Variants in CLASP1 observed in about 807,000 individuals in gnomAD.
The protein encoded by CLASP1 is cytoplasmic linker associated protein 1, also known as CLIP-associating protein 1.
A neutral mutation model predicts 192.3 loss-of-function variants in CLASP1; 38 were observed. The observed-to-expected ratio is 0.20, with a 90% CI of 0.15 to 0.26. The LOEUF is 0.26. Ranked by LOEUF, CLASP1 falls within the 10% of genes least tolerant of loss-of-function variation. The probability of loss-of-function intolerance (pLI) is 1.00; values close to 1 mark genes in which losing one functional copy is unlikely to be tolerated. For synonymous variants in CLASP1, 691 were observed against 712.8 expected, an observed-to-expected ratio of 0.97 and a Z score of 0.49; for missense variants, 1,433 against 1,932.5, an observed-to-expected ratio of 0.74 and a Z score of 4.85.
At chr2:121,503,021 T>C (rs927967078) in intron 8 of CLASP1, 146 bp downstream of exon 8, 1 of 602,044 alleles carries the variant, frequency 1.7e-6, no homozygotes, top group East Asian at 2.8e-5. Context: ...GCATTGTTTC[T>C]GGCCTGGAAA....
intron 2 of CLASP1, among the ~76,000 whole-genome samples, chr2:121,557,795 T>C (rs1430243411): frequency 2.0e-5 from 3 of 151,700 alleles, no homozygotes; most frequent in African/African-American, 4.8e-5. Flanking sequence ...ATACCTATTA[T>C]GTGTAGGCTG....
intron 39 of CLASP1, among the ~76,000 whole-genome samples, chr2:121,342,240 G>A (rs2062869733): frequency 1.3e-5 from 2 of 151,888 alleles, no homozygotes; most frequent in Non-Finnish European, 2.9e-5. Flanking sequence ...TCCCACCTTA[G>A]CTTCCTGACT....
intron 37 of CLASP1, among the ~76,000 whole-genome samples, chr2:121,350,303 A>G (rs2064125719): frequency 1.3e-5 from 2 of 152,246 alleles, no homozygotes; most frequent in African/African-American, 4.8e-5. Flanking sequence ...GAAACAGCAT[A>G]TGGATCATCT....
At chr2:121,608,932 G>A (rs1026327468) in intron 1 of CLASP1, among the ~76,000 whole-genome samples, 1 of 152,100 alleles carries the variant, frequency 6.6e-6, no homozygotes, top group Admixed American at 6.6e-5. Flanking sequence ...CTGTGCTTAC[G>A]TAATACTGAT....
intron 6 of CLASP1, among the ~76,000 whole-genome samples, chr2:121,517,691 CA>C (rs1017439241): frequency 1.3e-4 from 20 of 151,290 alleles, no homozygotes; most frequent in Non-Finnish European, 2.9e-4. Flanking sequence ...CCCATCTCTA[CA>C]AAAAAAATTT....
chr2:121,527,388 T>C (rs2094599771), intron 5 of CLASP1, among the ~76,000 whole-genome samples: 1 of 152,194 alleles, frequency 6.6e-6, no homozygotes, highest in Non-Finnish European at 1.5e-5. Flanking sequence ...AGGTTACATA[T>C]TGTATAATTC....
At chr2:121,477,458 T>C (rs1448194014) in intron 8 of CLASP1, among the ~76,000 whole-genome samples, 1 of 152,208 alleles carries the variant, frequency 6.6e-6, no homozygotes, top group African/African-American at 2.4e-5. Context: ...TATCCTTCTT[T>C]CCTGATAAAA....
chr2:121,597,389 T>C (rs2063264777), intron 2 of CLASP1, among the ~76,000 whole-genome samples: 1 of 152,174 alleles, frequency 6.6e-6, no homozygotes, highest in African/African-American at 2.4e-5. Context: ...TCCAAAACTC[T>C]AGAGGCCAGG....
chr2:121,502,656 T>A (rs1410624388), intron 8 of CLASP1, among the ~76,000 whole-genome samples: 1 of 152,200 alleles, frequency 6.6e-6, no homozygotes, highest in Non-Finnish European at 1.5e-5. Flanking sequence ...GGGTGCCAGA[T>A]CACGCAAGGC....
intron 21 of CLASP1, 87 bp downstream of exon 21, chr2:121,427,317 G>T (rs912968863): frequency 2.8e-6 from 4 of 1,434,996 alleles, no homozygotes; most frequent in South Asian, 1.3e-5. Context: ...AATAAAGAGA[G>T]AAATTAATAT....
intron 8 of CLASP1, among the ~76,000 whole-genome samples, chr2:121,498,881 G>C (rs10198946): frequency 0.59 from 90,007 of 152,062 alleles, 29,905 homozygotes; most frequent in African/African-American, 0.88. Flanking sequence ...CCACTTTACA[G>C]CCACTATGGT....
At chr2:121,448,216 A>G in intron 18 of CLASP1, 60 bp downstream of exon 18, 8 of 1,448,484 alleles carry the variant, frequency 5.5e-6, no homozygotes, top group Non-Finnish European at 7.8e-6. Flanking sequence ...AGCCTCTTGC[A>G]GCTGCACGTA....
At chr2:121,444,866 T>C (rs372040987) in intron 19 of CLASP1, 1 of 1,004,266 alleles carries the variant, frequency 1.0e-6, no homozygotes, top group Admixed American at 2.2e-5. Flanking sequence ...AAGTGGGTAC[T>C]GGGCAACACT....
At chr2:121,602,669 C>T (rs1025774122) in intron 2 of CLASP1, among the ~76,000 whole-genome samples, 1 of 152,192 alleles carries the variant, frequency 6.6e-6, no homozygotes, top group African/African-American at 2.4e-5. Context: ...CTACGGCCAA[C>T]TGACTTTTGA....
At position 121,408,559 on chromosome 2, in the gene CLASP1, A is replaced by G. The variant is rs550165014; in HGVS notation, c.2425-844T>C. 5.3e-5 allele frequency among the ~76,000 whole-genome samples: 8 copies of G among 152,354 alleles called. No individual in the cohort carries two copies. The South Asian group carries it at 1.7e-3, about 32-fold the overall frequency. ...ATATACTTCTTTAATAATATGGCGT[A>G]TTATTGTTAATCCAACTTGCTCAGG... On this transcript the variant is annotated intron_variant, in intron 24 of 39. Transcript: ENST00000263710.
intron 2 of CLASP1, among the ~76,000 whole-genome samples, chr2:121,580,464 A>G (rs548369131): frequency 6.6e-6 from 1 of 152,288 alleles, no homozygotes; most frequent in South Asian, 2.1e-4. Flanking sequence ...TTAGATTAAC[A>G]CCATTAACAT....
chr2:121,376,110 A>G (rs188108144), intron 34 of CLASP1, among the ~76,000 whole-genome samples: 56 of 152,340 alleles, frequency 3.7e-4, no homozygotes, highest in Non-Finnish European at 6.6e-4. Context: ...CATTATGGAA[A>G]ACAGTATCGT....
intron 30 of CLASP1, among the ~76,000 whole-genome samples, chr2:121,396,724 C>T (rs897771447): frequency 3.3e-5 from 5 of 152,184 alleles, no homozygotes; most frequent in Non-Finnish European, 7.3e-5. Context: ...TATTGAAAGA[C>T]GTTTGCTCTT....
intron 34 of CLASP1, among the ~76,000 whole-genome samples, chr2:121,376,511 G>A (rs1354145255): frequency 1.3e-5 from 1 of 79,184 alleles, no homozygotes; most frequent in Non-Finnish European, 2.5e-5. Flanking sequence ...GTGGTTACTA[G>A]AGGCTGGGAA....
Sources: allele counts gnomAD v4.1 joint callset (sites outside exome capture counted in the v4.1 genomes callset), GRCh38; gene constraint gnomAD v4.1.1; transcripts MANE v1.5; gene names NCBI Gene and HGNC (gene_info 2026-07-23, HGNC 2026-07-21).